The following NOS3 variants were observed in gnomAD, a reference collection of about 807,000 sequenced individuals.
NOS3 encodes the protein nitric oxide synthase 3.
Under a neutral mutation model 144.9 loss-of-function variants are expected in NOS3, and 98 were observed. The observed-to-expected ratio is 0.68, with a 90% CI of 0.57 to 0.80. The LOEUF is 0.80. Among genes scored for constraint, NOS3 ranks in the 30% least tolerant of loss-of-function variants. The pLI is 0.00. For missense variants in NOS3, 1,465 were observed against 1,656.4 expected, an observed-to-expected ratio of 0.88 and a Z score of 2.01; for synonymous variants, 714 against 702.4, an observed-to-expected ratio of 1.02 and a Z score of -0.26.
Position 150,996,538 on chromosome 7 carries a change from C to A in NOS3, c.405C>A (p.Tyr135Ter). ...SQARDFINQY[Y>*]SSIKRSGSQA... ...CCCGGGACTTCATCAACCAGTACTACAGCTCCATTAAGAGGTGACAGCTTC... is the reference window on the plus strand; with the variant it reads ...CCCGGGACTTCATCAACCAGTACTAAAGCTCCATTAAGAGGTGACAGCTTC... Residue 135 changes from tyrosine to a stop codon, truncating the protein, a stop_gained, in exon 4 of 27, where the codon TAC becomes TAA. Transcript: ENST00000297494. LOFTEE classifies it high-confidence loss of function. 1 of 1,603,424 alleles carries A rather than the reference C, an allele frequency of 6.2e-7. No individual in the cohort carries two copies. The highest frequency in any genetic ancestry group is 8.5e-7 in the Non-Finnish European group (1 of 1,175,508).
Position 151,003,539 on chromosome 7 carries a change from T to C in NOS3, c.1752+1235T>C. The C allele has an allele frequency of 7.9e-7, 1 of 1,272,880 alleles. No individual in the cohort carries two copies. The allele number at this position is 1,272,880 out of a possible 1,614,324, so 78.8% of individuals were successfully genotyped here. On this transcript the variant is annotated intron_variant, in intron 14 of 26. Coordinates refer to ENST00000297494, the MANE Select transcript of NOS3 (RefSeq NM_000603.5). This position sits in a 1 kb window ranked among gnomAD's most constrained non-coding sequence, Gnocchi z 4.1. ...AGAAAAATAGCACCAGCAATTGACTTTTTTTTAGCATAAAGGTGTATAGAC... is the reference window on the plus strand; with the variant it reads ...AGAAAAATAGCACCAGCAATTGACTCTTTTTTAGCATAAAGGTGTATAGAC...
intron 8 of NOS3, 25 bp from the exon 9 acceptor site, chr7:150,999,165 T>C: frequency 6.2e-7 from 1 of 1,610,404 alleles, no homozygotes; most frequent in Non-Finnish European, 8.5e-7. Flanking sequence ...AAGGGGGTGC[T>C]GATCCCACAC....
intron 9 of NOS3, 50 bp downstream of exon 9, chr7:150,999,414 G>A: frequency 6.6e-7 from 1 of 1,512,606 alleles, no homozygotes; most frequent in Non-Finnish European, 8.9e-7. Context: ...TCCAAGGCAG[G>A]AGTCTGGCTC....
rs1802473176 is a variant in NOS3, at chr7:150,998,088, C to T, written c.583-269C>T. Among the ~76,000 whole-genome samples the T allele has an allele frequency of 6.6e-6, 1 of 152,172 alleles. No homozygotes were observed. Among genetic ancestry groups the T allele is most frequent in the Admixed American group, 6.5e-5 (1 of 15,282 alleles). ...ACCCAAGCATCAGTTTGGCAGAGGCCGAGTCCCTCCTCTGTACTGGATACC... is the reference window on the plus strand; with the variant it reads ...ACCCAAGCATCAGTTTGGCAGAGGCTGAGTCCCTCCTCTGTACTGGATACC... On this transcript the variant is annotated intron_variant, in intron 5 of 26. Transcript: ENST00000297494. This position sits in a 1 kb window ranked among gnomAD's most constrained non-coding sequence, Gnocchi z 5.0.
Position 151,002,927 on chromosome 7 carries a change from GCT to G in NOS3, c.1752+624_1752+625del. 1 of 195,898 alleles carries G rather than the reference GCT, an allele frequency of 5.1e-6. No homozygotes were observed. Among genetic ancestry groups the G allele is most frequent in the Non-Finnish European group, 1.1e-5 (1 of 93,142 alleles). 12.1% of individuals were successfully genotyped at this position (195,898 alleles called of 1,614,324 possible). On this transcript the variant is annotated intron_variant, in intron 14 of 26. Coordinates refer to ENST00000297494, the MANE Select transcript of NOS3 (RefSeq NM_000603.5). This position sits in a 1 kb window ranked among gnomAD's most constrained non-coding sequence, Gnocchi z 4.1. ...CCTTTTTCAAAAGAAGAAATTGAGCGCTGTTTAGATGCCAACATAGATTAAAT... is the reference window on the plus strand; with the variant it reads ...CCTTTTTCAAAAGAAGAAATTGAGCGGTTTAGATGCCAACATAGATTAAAT...
rs1227233499 is a variant in NOS3 at position 151,014,403 on chromosome 7, C to T, written c.*234C>T. Reference sequence around the variant, plus strand: ...TAATCTGGAAGGCCCCTCCCAGCAGCGGTACCCCAGGGCCTACTGCCACCC... The same window carrying T: ...TAATCTGGAAGGCCCCTCCCAGCAGTGGTACCCCAGGGCCTACTGCCACCC... On this transcript the variant is annotated 3_prime_UTR_variant, in exon 27 of 27. Transcript: ENST00000297494. The T allele has an allele frequency of 3.9e-6, 2 of 508,810 alleles. No individual in the cohort carries two copies. The highest frequency in any genetic ancestry group is 3.9e-5 in the African/African-American group (2 of 51,634). The allele number at this position is 508,810 out of a possible 1,614,324, so 31.5% of individuals were successfully genotyped here. A position where few individuals can be genotyped will look rare whatever the true frequency, so the allele number is the denominator to read the frequency against.
In NOS3 at chr7:151,002,162, G is replaced by T. The variant is rs1800782; in HGVS notation, c.1648-38G>T. ...GAGTGAGGAGGGCAGGGCCTCCGGG[G>T]GCCACAGCACCCAGGACATCTGTCT... is the stretch of plus-strand genomic sequence containing the variant. On this transcript the variant is annotated intron_variant, in intron 13 of 26. Coordinates refer to ENST00000297494, the MANE Select transcript of NOS3 (RefSeq NM_000603.5). This position sits in a 1 kb window ranked among gnomAD's most constrained non-coding sequence, Gnocchi z 4.1. 0.083 allele frequency: 121,690 copies of T among 1,468,152 alleles called. 5,781 individuals carry two copies. The highest frequency in any genetic ancestry group is 0.16 in the African/African-American group (11,558 of 71,976). 90.9% of individuals were successfully genotyped at this position (1,468,152 alleles called of 1,614,324 possible). A position where few individuals can be genotyped will look rare whatever the true frequency, so the allele number is the denominator to read the frequency against.
At position 151,009,449 on chromosome 7, in the gene NOS3, G is replaced by T; in HGVS notation, c.2376G>T (p.Gln792His). Reference sequence around the variant, plus strand: ...ACACCGGAGGCCAGGAGGGGCTGCAGTACCAGCCGGGGGACCACATAGGTG... The same window carrying T: ...ACACCGGAGGCCAGGAGGGGCTGCATTACCAGCCGGGGGACCACATAGGTG... ...RLDTGGQEGLQYQPGDHIGVC... is the reference protein window; with the variant it reads ...RLDTGGQEGLHYQPGDHIGVC... Residue 792 changes from glutamine to histidine, a missense_variant, in exon 20 of 27, where the codon CAG (glutamine) becomes CAT (histidine). Around this residue, in one of 5 missense-constraint regions of NOS3, gnomAD observed 745 missense variants for 853.9 expected, o/e 0.87. Transcript: ENST00000297494. 1 of 1,548,704 alleles carries T rather than the reference G, an allele frequency of 6.5e-7. No individual in the cohort carries two copies. Among genetic ancestry groups the T allele is most frequent in the South Asian group, 1.2e-5 (1 of 83,980 alleles).
In NOS3 at chr7:151,003,447, G is replaced by A. The variant is rs753919337; in HGVS notation, c.1752+1143G>A. 1.6e-6 allele frequency: 2 copies of A among 1,215,648 alleles called. No individual in the cohort carries two copies. Among genetic ancestry groups the A allele is most frequent in the Non-Finnish European group, 2.1e-6 (2 of 950,514 alleles). 75.3% of individuals were successfully genotyped at this position (1,215,648 alleles called of 1,614,324 possible). On this transcript the variant is annotated intron_variant, in intron 14 of 26. Coordinates refer to ENST00000297494, the MANE Select transcript of NOS3 (RefSeq NM_000603.5). This position sits in a 1 kb window ranked among gnomAD's most constrained non-coding sequence, Gnocchi z 4.1. ...GGCCCTCAGTATCTTAAGCAAGTTG[G>A]AATCTCGTGAAACCCTTTTTGCTGC...
chr7:150,996,497 C>T lies in NOS3; in HGVS notation c.364C>T (p.Gln122Ter). 6.2e-7 allele frequency: 1 copy of T among 1,605,558 alleles called. No individual in the cohort carries two copies. Among genetic ancestry groups the T allele is most frequent in the Non-Finnish European group, 8.5e-7 (1 of 1,177,582 alleles). Residue 122 changes from glutamine (Q) to a stop codon, truncating the protein, a stop_gained, in exon 4 of 27, where the codon CAG becomes TAG. Coordinates refer to ENST00000297494, the MANE Select transcript of NOS3 (RefSeq NM_000603.5). LOFTEE classifies it high-confidence loss of function. The part of the protein sequence containing the change: ...RPSPGPPAPE[Q>*]LLSQARDFIN... ...CTCCCCCGGCCCCCCGGCCCCTGAG[C>T]AGCTGCTGAGTCAGGCCCGGGACTT...
rs867948444 is a variant in NOS3, at chr7:150,998,559, C to T, written c.695C>T (p.Pro232Leu). 1.6e-5 allele frequency: 25 copies of T among 1,609,616 alleles called. No homozygotes were observed. Among genetic ancestry groups the T allele is most frequent in the Admixed American group, 5.0e-5 (3 of 59,680 alleles). The change falls in exon 7 of 27, where the codon CCG becomes CTG. Residue 232 changes from proline to leucine, a missense_variant. Pro to Leu is a moderately conservative substitution (Grantham distance 98). Around this residue, in one of 5 missense-constraint regions of NOS3, gnomAD observed 374 missense variants for 377.0 expected, o/e 0.99. Transcript: ENST00000297494. This position sits in a 1 kb window ranked among gnomAD's most constrained non-coding sequence, Gnocchi z 5.0. ...GNLRSAITVF[P>L]QRCPGRGDFR... The stretch of plus-strand genomic sequence containing the variant: ...GCCAGCTCGGCCATCACAGTGTTCC[C>T]GCAGCGCTGCCCTGGCCGAGGAGAC...
At chr7:151,000,956 G>A (rs563465038) in intron 10 of NOS3, among the ~76,000 whole-genome samples, 5 of 152,272 alleles carry the variant, frequency 3.3e-5, no homozygotes, top group African/African-American at 7.2e-5. Flanking sequence ...TGAGGAAGCC[G>A]GGGCCTGCTG....
chr7:151,006,456 C>T lies in NOS3; in HGVS notation c.1782C>T (p.Ser594=), dbSNP rs777945655. The T allele has an allele frequency of 8.7e-6, 14 of 1,613,928 alleles. No homozygotes were observed. The highest frequency in any genetic ancestry group is 4.5e-5 in the East Asian group (2 of 44,886). Residue 594 remains serine, a synonymous_variant, in exon 15 of 27, where the codon TCC becomes TCT. Coordinates refer to ENST00000297494, the MANE Select transcript of NOS3 (RefSeq NM_000603.5). ...TTGCAGCTGCCCTGATGGAGATGTC[C>T]GGCCCCTACAACAGCTCCCCTCGGC... ...ESFAAALMEM[S]GPYNSSPRPE...
rs371369842 is a variant in NOS3, at chr7:151,001,260, C to G, written c.1263C>G (p.His421Gln). The G allele has an allele frequency of 2.5e-6, 4 of 1,613,722 alleles. No individual in the cohort carries two copies. The Admixed American group carries it at 6.7e-5, about 27-fold the overall frequency. ...QLAKVTIVDH[H>Q]AATASFMKHL... is the part of the protein sequence containing the mutation. ...CCAAAGTCACCATCGTGGACCACCA[C>G]GCCGCCACGGCCTCTTTCATGAAGC... Residue 421 changes from histidine to glutamine, a missense_variant, in exon 11 of 27, where the codon CAC becomes CAG. By Grantham distance (24) the His-to-Gln change is conservative. This residue lies in a region of NOS3 where 745 missense variants were observed against 853.9 expected (regional missense o/e 0.87). Transcript: ENST00000297494.
At chr7:151,008,052 G>A (rs1584909967) in intron 17 of NOS3, among the ~76,000 whole-genome samples, 1 of 152,156 alleles carries the variant, frequency 6.6e-6, no homozygotes, top group Admixed American at 6.5e-5. Context: ...AGAAGGGAAC[G>A]GAAAATAAGA....
rs760005221 is a variant in NOS3 at position 151,001,925 on chromosome 7, A to G, written c.1607A>G (p.Gln536Arg). The change falls in exon 13 of 27, where the codon CAG (glutamine) becomes CGG (arginine). Residue 536 changes from glutamine (Q) to arginine (R), a missense_variant. Physicochemically the swap from Gln to Arg is conservative, Grantham distance 43 (BLOSUM62 1). Transcript: ENST00000297494. Reference sequence around the variant, plus strand: ...ACCGGCCGGGCCCAGAGCTACGCACAGCAGCTGGGGAGACTCTTCCGGAAG... The same window carrying G: ...ACCGGCCGGGCCCAGAGCTACGCACGGCAGCTGGGGAGACTCTTCCGGAAG... ...SETGRAQSYA[Q>R]QLGRLFRKAF... 5.6e-6 allele frequency: 9 copies of G among 1,613,570 alleles called. No homozygotes were observed. The highest frequency in any genetic ancestry group is 2.2e-5 in the South Asian group (2 of 91,080).
chr7:151,006,430 T>C lies in NOS3; in HGVS notation c.1756T>C (p.Phe586Leu), dbSNP rs1174617297. ...NGDPPENGES[F>L]AAALMEMSGP... ...ATGCAAACACTCCCCTCGCCAGAGC[T>C]TTGCAGCTGCCCTGATGGAGATGTC... Residue 586 changes from phenylalanine to leucine, a missense_variant, in exon 15 of 27, where the codon TTT becomes CTT. By Grantham distance (22) the Phe-to-Leu change is conservative. Coordinates refer to ENST00000297494, the MANE Select transcript of NOS3 (RefSeq NM_000603.5). The C allele has an allele frequency of 6.2e-7, 1 of 1,613,806 alleles. No individual in the cohort carries two copies. The highest frequency in any genetic ancestry group is 1.1e-5 in the South Asian group (1 of 91,064).
In NOS3 at chr7:150,998,739, G is replaced by A; in HGVS notation, c.816+59G>A. 6.4e-7 allele frequency: 1 copy of A among 1,559,250 alleles called. No homozygotes were observed. The highest frequency in any genetic ancestry group is 8.7e-7 in the Non-Finnish European group (1 of 1,149,520). ...CAAGGTGGAGAATGAGGAAACCAGT[G>A]GGAGAAGGCTCGGGGGATCCAGGCA... On this transcript the variant is annotated intron_variant, in intron 7 of 26. Transcript: ENST00000297494. This position sits in a 1 kb window ranked among gnomAD's most constrained non-coding sequence, Gnocchi z 5.0.
intron 5 of NOS3, 30 bp downstream of exon 5, chr7:150,996,955 G>A (rs1225611600): frequency 6.5e-7 from 1 of 1,541,992 alleles, no homozygotes; most frequent in Non-Finnish European, 8.7e-7. Context: ...GAGAGACCCG[G>A]GCGCTACCAA....
Sources: allele counts gnomAD v4.1 joint callset (sites outside exome capture counted in the v4.1 genomes callset), GRCh38; gene constraint gnomAD v4.1.1; regional missense constraint gnomAD v4.1.1; non-coding constraint Gnocchi (gnomAD v3.1); transcripts MANE v1.5; gene names NCBI Gene and HGNC (gene_info 2026-07-23, HGNC 2026-07-21).